MYH11: variants seen among roughly 807,000 people sequenced by gnomAD.
MYH11 encodes the protein myosin heavy chain 11.
MYH11 carries 80 observed loss-of-function variants against 246.6 expected under a neutral mutation model. The observed-to-expected ratio is 0.32, with a 90% CI of 0.27 to 0.39. MYH11 has a LOEUF of 0.39. MYH11 is among the 10% of genes least tolerant of loss of function. The pLI is 1.00. For missense variants in MYH11, 2,158 were observed against 2,546.8 expected (o/e 0.85, Z 3.29); for synonymous variants, 1,071 against 1,015.5 (o/e 1.05, Z -1.04).
Position 15,821,774 on chromosome 16 carries a change from C to T in MYH11, c.502+1481G>A, listed in dbSNP as rs545279918. On this transcript the variant is annotated intron_variant, in intron 3 of 40. Coordinates refer to ENST00000300036, the MANE Select transcript of MYH11 (RefSeq NM_002474.3). ...TCTACTAAAAATACAAAAAATTAGCCGGGCGCGGTGGCGGGCGCCTGTAGT... is the reference window on the plus strand; with the variant it reads ...TCTACTAAAAATACAAAAAATTAGCTGGGCGCGGTGGCGGGCGCCTGTAGT... 5.8e-4 allele frequency among the ~76,000 whole-genome samples: 84 copies of T among 144,904 alleles called. 8 individuals are homozygous for T. Among genetic ancestry groups the T allele is most frequent in the Admixed American group, 3.1e-3 (45 of 14,624 alleles).
At chr16:15,741,144 CTTTTTA>C (rs2041260631) in intron 22 of MYH11, 5 of 503,018 alleles carry the variant, frequency 9.9e-6, no homozygotes, top group Admixed American at 6.5e-5. Flanking sequence ...CTATGCAATA[CTTTTTA>C]TTTTTAGCTG....
intron 40 of MYH11, among the ~76,000 whole-genome samples, chr16:15,706,282 T>C (rs1206446472): frequency 6.6e-6 from 1 of 152,166 alleles, no homozygotes; most frequent in Non-Finnish European, 1.5e-5. Context: ...CTTTTTCTTT[T>C]TTAGCACTGT....
intron 40 of MYH11, among the ~76,000 whole-genome samples, chr16:15,708,508 A>G (rs2039590114): frequency 6.6e-6 from 1 of 152,228 alleles, no homozygotes; most frequent in African/African-American, 2.4e-5. Flanking sequence ...AGCTACACAC[A>G]CAGCCTCTGC....
At chr16:15,720,496 C>T (rs768881344) in intron 33 of MYH11, among the ~76,000 whole-genome samples, 184 bp from the exon 34 acceptor site, 1 of 151,852 alleles carries the variant, frequency 6.6e-6, no homozygotes, top group Non-Finnish European at 1.5e-5. Context: ...TCTGTAATCC[C>T]AGCACTTTGG....
rs1013538266 is a variant in MYH11, at chr16:15,801,954, A to G, written c.503-3267T>C. 2.0e-5 allele frequency among the ~76,000 whole-genome samples: 3 copies of G among 151,184 alleles called. No individual in the cohort carries two copies. In the East Asian group the frequency reaches 5.8e-4, roughly 29 times the overall value. ...CCTGGGCAACAGAGCGAGACTCCAAAAACAAAACAAAACAAACAAAAAAAA... is the reference window on the plus strand; with the variant it reads ...CCTGGGCAACAGAGCGAGACTCCAAGAACAAAACAAAACAAACAAAAAAAA... On this transcript the variant is annotated intron_variant, in intron 3 of 40. Transcript: ENST00000300036.
chr16:15,775,986 G>A (rs988250047), intron 8 of MYH11, 92 bp downstream of exon 8: 1 of 932,306 alleles, frequency 1.1e-6, no homozygotes, highest in African/African-American at 1.6e-5. Context: ...GGCAGGATCT[G>A]AGACTGTTTT....
intron 14 of MYH11, among the ~76,000 whole-genome samples, chr16:15,755,704 G>A (rs113691068): frequency 0.032 from 4,832 of 152,204 alleles, 113 homozygotes; most frequent in Non-Finnish European, 0.052. Context: ...AGGCCGAGGC[G>A]GGTGGATCAC....
chr16:15,796,780 G>T (rs187098263), intron 4 of MYH11, among the ~76,000 whole-genome samples: 1 of 152,302 alleles, frequency 6.6e-6, no homozygotes, highest in Admixed American at 6.5e-5. Flanking sequence ...AAGATACCAT[G>T]CTGCAGGATT....
intron 2 of MYH11, among the ~76,000 whole-genome samples, chr16:15,832,400 T>A (rs1030294540): frequency 1.3e-5 from 2 of 151,872 alleles, no homozygotes; most frequent in African/African-American, 4.8e-5. Context: ...GCAGGGCGTG[T>A]GTGAGTGAAC....
intron 22 of MYH11, 145 bp downstream of exon 22, chr16:15,741,318 C>T: frequency 3.3e-6 from 3 of 919,754 alleles, no homozygotes. Context: ...GCTGTGTGGC[C>T]TTGATCAGAT....
chr16:15,771,425 C>T (rs2042097088), intron 9 of MYH11, 144 bp downstream of exon 9: 5 of 1,021,614 alleles, frequency 4.9e-6, no homozygotes, highest in Non-Finnish European at 7.0e-6. Context: ...GAATAAAATT[C>T]ATTTTCCTCC....
chr16:15,735,273 G>A, intron 26 of MYH11, 93 bp downstream of exon 26: 1 of 1,367,600 alleles, frequency 7.3e-7, no homozygotes, highest in Non-Finnish European at 1.0e-6. Flanking sequence ...CACAGGGGCT[G>A]ATGCACGATT....
In MYH11 at chr16:15,750,999, C is replaced by T. The variant is rs2041551869; in HGVS notation, c.1865-668G>A. Among the ~76,000 whole-genome samples, 1 of 151,856 alleles carries T rather than the reference C, an allele frequency of 6.6e-6. No homozygotes were observed. Among genetic ancestry groups the T allele is most frequent in the Non-Finnish European group, 1.5e-5 (1 of 67,988 alleles). The stretch of plus-strand genomic sequence containing the variant: ...TGCTAAGTTGATATTTGAGCAGAAA[C>T]CAGCAAGAAATGAGTGGGTAACCAT... On this transcript the variant is annotated intron_variant, in intron 15 of 40. Coordinates refer to ENST00000300036, the MANE Select transcript of MYH11 (RefSeq NM_002474.3). This position sits in a 1 kb window ranked among gnomAD's most constrained non-coding sequence, Gnocchi z 4.3.
chr16:15,797,982 T>C (rs903309826), intron 4 of MYH11, among the ~76,000 whole-genome samples: 12 of 152,318 alleles, frequency 7.9e-5, no homozygotes, highest in African/African-American at 1.9e-4. Context: ...TGTTGGCTCA[T>C]GTTTCCAAGC....
intron 8 of MYH11, among the ~76,000 whole-genome samples, chr16:15,773,770 G>A (rs1228912517): frequency 6.6e-6 from 1 of 152,118 alleles, no homozygotes; most frequent in African/African-American, 2.4e-5. Context: ...GAGGCCATCT[G>A]GTCCTTAAAG....
chr16:15,827,837 AT>A (rs544831084), intron 2 of MYH11, among the ~76,000 whole-genome samples: 5 of 152,134 alleles, frequency 3.3e-5, no homozygotes, highest in Non-Finnish European at 7.4e-5. Context: ...GCCAGGGGCT[AT>A]TTCCTGTTCA....
chr16:15,834,356 T>C (rs927881693), intron 2 of MYH11, among the ~76,000 whole-genome samples: 16 of 151,406 alleles, frequency 1.1e-4, no homozygotes, highest in African/African-American at 2.4e-4. Flanking sequence ...GTGAAACCCG[T>C]CTCTACTAAA....
chr16:15,768,566 C>T (rs567252653), intron 9 of MYH11, among the ~76,000 whole-genome samples: 2 of 152,260 alleles, frequency 1.3e-5, no homozygotes, highest in Non-Finnish European at 2.9e-5. Flanking sequence ...GTCATTTGCA[C>T]GCCATCGTCT....
chr16:15,740,244 G>A (rs2041235195), intron 22 of MYH11, 56 bp from the exon 23 acceptor site: 2 of 1,611,726 alleles, frequency 1.2e-6, no homozygotes, highest in Admixed American at 1.7e-5. Context: ...TTACTCTCGT[G>A]GTGATCTGGG....
Sources: allele counts gnomAD v4.1 joint callset (sites outside exome capture counted in the v4.1 genomes callset), GRCh38; gene constraint gnomAD v4.1.1; non-coding constraint Gnocchi (gnomAD v3.1); transcripts MANE v1.5; gene names NCBI Gene and HGNC (gene_info 2026-07-23, HGNC 2026-07-21).